PCDH11X: variants seen among roughly 807,000 people sequenced by gnomAD.
PCDH11X encodes protocadherin 11 X-linked, also known as protocadherin-11 X-linked.
In PCDH11X, 18 loss-of-function variants were observed where a neutral mutation model predicts 53.3. That is an observed-to-expected ratio of 0.34 (90% CI 0.23 to 0.50). PCDH11X has a LOEUF of 0.50. Ranked by LOEUF, PCDH11X falls within the 20% of genes least tolerant of loss-of-function variation. The pLI, the probability that PCDH11X is intolerant of heterozygous loss-of-function variation, is 0.98. For missense variants in PCDH11X, 570 were observed against 1,032.4 expected, an observed-to-expected ratio of 0.55 and a Z score of 6.14; for synonymous variants, 279 against 393.3, an observed-to-expected ratio of 0.71 and a Z score of 3.44.
intron 10 of PCDH11X, among the ~76,000 whole-genome samples, chrX:92,603,277 T>A (rs1386090660): frequency 9.2e-6 from 1 of 108,475 alleles, no homozygotes; most frequent in East Asian, 2.9e-4. Flanking sequence ...CAGATCTTAT[T>A]TTTTATTCTA....
chrX:92,105,691 T>G (rs2064368922), intron 6 of PCDH11X, among the ~76,000 whole-genome samples: 1 of 103,240 alleles, frequency 9.7e-6, no homozygotes, highest in African/African-American at 3.6e-5. Context: ...TCAGTGGGGG[T>G]GCTTTTTGAG....
intron 9 of PCDH11X, among the ~76,000 whole-genome samples, chrX:92,423,056 T>G (rs943987770): frequency 8.7e-5 from 9 of 103,289 alleles, no homozygotes; most frequent in African/African-American, 3.0e-4. Flanking sequence ...TTCACCATGT[T>G]AGCCAGGATG....
chrX:92,389,996 T>G (rs2071091184), intron 9 of PCDH11X, among the ~76,000 whole-genome samples: 1 of 110,497 alleles, frequency 9.1e-6, no homozygotes, highest in Admixed American at 9.7e-5. Context: ...GCTCAATCGA[T>G]TTTATTTTAA....
intron 10 of PCDH11X, among the ~76,000 whole-genome samples, chrX:92,584,044 A>G (rs1484774286): frequency 1.8e-5 from 2 of 111,552 alleles, no homozygotes; most frequent in Admixed American, 9.6e-5. Flanking sequence ...CAATGATGAA[A>G]TAAATAAAAA....
At chrX:92,456,034 T>C (rs2072901545) in intron 9 of PCDH11X, among the ~76,000 whole-genome samples, 2 of 112,143 alleles carry the variant, frequency 1.8e-5, no homozygotes, top group South Asian at 7.2e-4. Context: ...CGGAAAGTTT[T>C]TCAGTGAGTT....
chrX:92,328,352 G>T (rs1380338024), intron 8 of PCDH11X, among the ~76,000 whole-genome samples: 168 of 110,083 alleles, frequency 1.5e-3, no homozygotes, highest in Non-Finnish European at 2.8e-3. Flanking sequence ...TATTAGACAA[G>T]AAGATCTCAA....
At chrX:92,198,862 A>C (rs1266547739) in intron 6 of PCDH11X, among the ~76,000 whole-genome samples, 1 of 111,580 alleles carries the variant, frequency 9.0e-6, no homozygotes, top group Non-Finnish European at 1.9e-5. Context: ...TTGACAAAAA[A>C]AATTGGAATT....
chrX:92,115,852 G>T (rs1053852349), intron 6 of PCDH11X, among the ~76,000 whole-genome samples: 2 of 107,583 alleles, frequency 1.9e-5, no homozygotes, highest in African/African-American at 6.8e-5. Flanking sequence ...GCCTTTCCCA[G>T]TTCACTGACT....
chrX:91,824,581 T>C (rs1936834797), intron 4 of PCDH11X, among the ~76,000 whole-genome samples: 2 of 105,539 alleles, frequency 1.9e-5, no homozygotes, highest in African/African-American at 7.4e-5. Context: ...TTCTTCTAAA[T>C]TTTTTTCAAA....
At chrX:92,302,538 AT>A (rs1177240508) in intron 8 of PCDH11X, among the ~76,000 whole-genome samples, 1 of 111,869 alleles carries the variant, frequency 8.9e-6, no homozygotes, top group Non-Finnish European at 1.9e-5. Flanking sequence ...TTACACTATG[AT>A]TTGAATATAA....
rs1230492419 is a variant in PCDH11X at position 91,919,288 on chromosome X, C to T, written c.3033+40015C>T. Among the ~76,000 whole-genome samples, 3 of 111,577 alleles carry T rather than the reference C, an allele frequency of 2.7e-5. No individual in the cohort carries two copies. In the East Asian group the frequency reaches 8.5e-4, roughly 32 times the overall value. On this transcript the variant is annotated intron_variant, in intron 6 of 10. Coordinates refer to ENST00000682573, the MANE Select transcript of PCDH11X (RefSeq NM_032968.5). ...AGGTCAATTGGTGTTAATCTAATGGCAGCACTGACCTAGTGTCACACAGAG... is the reference window on the plus strand; with the variant it reads ...AGGTCAATTGGTGTTAATCTAATGGTAGCACTGACCTAGTGTCACACAGAG...
At chrX:91,895,765 ATATT>A (rs1267280243) in intron 6 of PCDH11X, among the ~76,000 whole-genome samples, 75 of 107,642 alleles carry the variant, frequency 7.0e-4, no homozygotes, top group Non-Finnish European at 1.2e-3. Context: ...ATATATGTAT[ATATT>A]TATGTGTATC....
At chrX:91,914,210 C>T (rs746744425) in intron 6 of PCDH11X, among the ~76,000 whole-genome samples, 1 of 110,492 alleles carries the variant, frequency 9.1e-6, no homozygotes, top group African/African-American at 3.3e-5. Flanking sequence ...GGGGAGAGCA[C>T]GACATCAAGG....
At chrX:92,105,220 C>T (rs1191597044) in intron 6 of PCDH11X, among the ~76,000 whole-genome samples, 1 of 110,920 alleles carries the variant, frequency 9.0e-6, no homozygotes, top group East Asian at 2.9e-4. Flanking sequence ...AGTGTGGTTC[C>T]AAGATTGAAA....
chrX:91,984,636 A>G (rs149451516), intron 6 of PCDH11X, among the ~76,000 whole-genome samples: 12,727 of 110,395 alleles, frequency 0.12, 808 homozygotes, highest in African/African-American at 0.23. Flanking sequence ...TTTTACTTTA[A>G]TATTTTACTT....
chrX:92,280,020 C>G (rs2068211437), intron 8 of PCDH11X, among the ~76,000 whole-genome samples: 1 of 111,902 alleles, frequency 8.9e-6, no homozygotes, highest in Non-Finnish European at 1.9e-5. Context: ...CAAATAGCTA[C>G]CATTGTGTTA....
At chrX:92,349,619 C>G (rs2069992383) in intron 8 of PCDH11X, among the ~76,000 whole-genome samples, 3 of 106,795 alleles carry the variant, frequency 2.8e-5, no homozygotes, top group African/African-American at 1.0e-4. Flanking sequence ...CTCCTTTCCT[C>G]TTATATATGG....
chrX:91,942,757 A>G (rs1213749720), intron 6 of PCDH11X, among the ~76,000 whole-genome samples: 2 of 111,069 alleles, frequency 1.8e-5, no homozygotes, highest in African/African-American at 6.5e-5. Flanking sequence ...TAAAAATCCA[A>G]AAGAAAAAAA....
intron 6 of PCDH11X, among the ~76,000 whole-genome samples, chrX:91,985,492 G>A (rs185704278): frequency 0.021 from 2,343 of 112,180 alleles, 54 homozygotes; most frequent in African/African-American, 0.072. Context: ...GTGACAGAGT[G>A]AGACTCCGTC....
Sources: allele counts gnomAD v4.1 joint callset (sites outside exome capture counted in the v4.1 genomes callset), GRCh38; gene constraint gnomAD v4.1.1; transcripts MANE v1.5; gene names NCBI Gene and HGNC (gene_info 2026-07-23, HGNC 2026-07-21).